The following GATAD1 variants were observed in gnomAD, a reference collection of about 807,000 sequenced individuals.
GATAD1 encodes the protein GATA zinc finger domain containing 1.
Under a neutral mutation model 26.5 loss-of-function variants are expected in GATAD1, and 12 were observed. That is an observed-to-expected ratio of 0.45 (90% CI 0.29 to 0.73). The LOEUF is 0.73. Among genes scored for constraint, GATAD1 ranks in the 30% least tolerant of loss-of-function variants. GATAD1 has a pLI of 0.10. For missense variants in GATAD1, 266 were observed against 342.1 expected (o/e 0.78, Z 1.75); for synonymous variants, 129 against 133.1 (o/e 0.97, Z 0.21).
the GATAD1 span, among the ~76,000 whole-genome samples, chr7:92,479,315 G>A: frequency 6.6e-6 from 1 of 152,144 alleles, no homozygotes; most frequent in Non-Finnish European, 1.5e-5. Context: ...GGGAGATGGG[G>A]TGGGGCCATT....
chr7:92,489,509 G>GT, the GATAD1 span: 1 of 1,236,066 alleles, frequency 8.1e-7, no homozygotes, highest in East Asian at 2.4e-5. Context: ...CTTATTGTCA[G>GT]TTTTTTCAAG....
intron 3 of GATAD1, among the ~76,000 whole-genome samples, 200 bp downstream of exon 3, chr7:92,450,960 A>G (rs1300433368): frequency 6.6e-6 from 1 of 152,226 alleles, no homozygotes; most frequent in Non-Finnish European, 1.5e-5. Flanking sequence ...GGGAGGAGAA[A>G]GTGCCTACTG....
chr7:92,447,889 G>GGCA lies in GATAD1; in HGVS notation c.163_165dup (p.Ser55dup). The GGCA allele has an allele frequency of 1.6e-6, 2 of 1,275,534 alleles. No individual in the cohort carries two copies. The highest frequency in any genetic ancestry group is 2.0e-6 in the Non-Finnish European group (2 of 1,011,348). 79.0% of individuals were successfully genotyped at this position (1,275,534 alleles called of 1,614,324 possible). On this transcript the variant is annotated inframe_insertion, in exon 1 of 5. Coordinates refer to ENST00000287957, the MANE Select transcript of GATAD1 (RefSeq NM_021167.5). Reference sequence around the variant, plus strand: ...CTCGGGGGCGGCTGGAGGGACTGGGGGCAGCGGCGGCGGCGGCTTCGGCGC... The same window carrying GGCA: ...CTCGGGGGCGGCTGGAGGGACTGGGGGCAGCAGCGGCGGCGGCGGCTTCGGCGC...
chr7:92,476,591 CTT>C, the GATAD1 span, among the ~76,000 whole-genome samples: 1 of 152,100 alleles, frequency 6.6e-6, no homozygotes, highest in Admixed American at 6.5e-5. Flanking sequence ...TTCTTTCTCT[CTT>C]TGACTCTCTC....
the GATAD1 span, chr7:92,472,070 ATCAG>A: frequency 6.8e-4 from 104 of 152,334 alleles, no homozygotes; most frequent in African/African-American, 2.4e-3. Context: ...TGAGGTCGGG[ATCAG>A]TCAAAGGAAC....
chr7:92,485,566 T>C, the GATAD1 span, among the ~76,000 whole-genome samples: 5 of 152,186 alleles, frequency 3.3e-5, no homozygotes. Context: ...CTCCAAGCCT[T>C]CTTCACAGGA....
At chr7:92,471,022 C>T in the GATAD1 span, 4 of 167,086 alleles carry the variant, frequency 2.4e-5, no homozygotes, top group African/African-American at 9.7e-5. Context: ...GCCTGGGATA[C>T]TCCCTGGGTT....
downstream of GATAD1, among the ~76,000 whole-genome samples, chr7:92,461,000 A>G (rs1352965642): frequency 1.3e-5 from 2 of 152,158 alleles, no homozygotes; most frequent in Non-Finnish European, 2.9e-5. Context: ...CTTTTAGTCT[A>G]TACATATCTA....
chr7:92,476,413 G>A, the GATAD1 span, among the ~76,000 whole-genome samples: 1 of 152,200 alleles, frequency 6.6e-6, no homozygotes, highest in Non-Finnish European at 1.5e-5. Flanking sequence ...GCTACGGGTT[G>A]TCAATGGCCT....
Position 92,447,538 on chromosome 7 carries a change from G to C in GATAD1, c.-192G>C. The C allele has an allele frequency of 5.1e-6, 3 of 588,970 alleles. No individual in the cohort carries two copies. Among genetic ancestry groups the C allele is most frequent in the Non-Finnish European group, 7.5e-6 (3 of 400,016 alleles). 36.5% of individuals were successfully genotyped at this position (588,970 alleles called of 1,614,324 possible). The stretch of plus-strand genomic sequence containing the variant: ...CCAGGGAATCCTGGCCTCCGCCTGC[G>C]GAGCCGGCGGAACCCGCTTCCCGCC... On this transcript the variant is annotated 5_prime_UTR_variant, in exon 1 of 5. Coordinates refer to ENST00000287957, the MANE Select transcript of GATAD1 (RefSeq NM_021167.5).
At chr7:92,468,077 C>G in the GATAD1 span, among the ~76,000 whole-genome samples, 2 of 152,160 alleles carry the variant, frequency 1.3e-5, no homozygotes, top group African/African-American at 4.8e-5. Flanking sequence ...GAACCTTGGG[C>G]CATGCGGTGA....
At chr7:92,491,717 A>G in the GATAD1 span, 1 of 506,300 alleles carries the variant, frequency 2.0e-6, no homozygotes, top group East Asian at 3.6e-5. Flanking sequence ...TAATTTACCA[A>G]CCATCCCCCA....
Position 92,457,043 on chromosome 7 carries a change from C to G in GATAD1, c.*481C>G, listed in dbSNP as rs1241214544. 1 of 151,590 alleles carries G rather than the reference C, an allele frequency of 6.6e-6. No individual in the cohort carries two copies. Among genetic ancestry groups the G allele is most frequent in the Non-Finnish European group, 1.5e-5 (1 of 68,346 alleles). 9.4% of individuals were successfully genotyped at this position (151,590 alleles called of 1,614,324 possible). The stretch of plus-strand genomic sequence containing the variant: ...GTGTGGTGGCATGTGCCTGTAATCC[C>G]AGCTATTTGGGAGGCTGAGGCAGGA... On this transcript the variant is annotated 3_prime_UTR_variant, in exon 5 of 5. Coordinates refer to ENST00000287957, the MANE Select transcript of GATAD1 (RefSeq NM_021167.5).
intron 4 of GATAD1, 147 bp downstream of exon 4, chr7:92,454,832 T>A (rs1222049157): frequency 3.4e-6 from 2 of 582,556 alleles, no homozygotes; most frequent in Non-Finnish European, 5.8e-6. Context: ...TTCTCACAGT[T>A]GTGGAGGCTG....
At chr7:92,477,589 T>G in the GATAD1 span, 2 of 152,978 alleles carry the variant, frequency 1.3e-5, no homozygotes, top group Non-Finnish European at 2.9e-5. Context: ...TATAGTTCTA[T>G]TAGAAGCCGT....
chr7:92,473,997 G>A, the GATAD1 span, among the ~76,000 whole-genome samples: 2 of 151,812 alleles, frequency 1.3e-5, no homozygotes, highest in Non-Finnish European at 2.9e-5. Context: ...ACGAGGGGGC[G>A]GCTTACTTCT....
the GATAD1 span, chr7:92,470,601 G>T: frequency 2.1e-6 from 1 of 477,422 alleles, no homozygotes; most frequent in Non-Finnish European, 3.8e-6. Flanking sequence ...GTCCTTCCCA[G>T]GATGTATCTA....
the GATAD1 span, chr7:92,475,182 G>A: frequency 6.6e-6 from 1 of 152,120 alleles, no homozygotes; most frequent in Non-Finnish European, 1.5e-5. Flanking sequence ...CTTCCCTCAG[G>A]AGTGCCAGGC....
the GATAD1 span, chr7:92,469,080 G>T: frequency 1.4e-6 from 1 of 703,366 alleles, no homozygotes. Flanking sequence ...AGGGTCCAGT[G>T]TTTCGAAGCT....
Sources: gnomAD v4.1 joint callset for allele counts (sites outside exome capture counted in the v4.1 genomes callset) on GRCh38, gnomAD v4.1.1 for gene constraint, MANE v1.5 for transcripts, NCBI Gene and HGNC (gene_info 2026-07-23, HGNC 2026-07-21) for gene names.